The following MACROD2 variants were observed in gnomAD, a reference collection of about 807,000 sequenced individuals.
The protein encoded by MACROD2 is mono-ADP ribosylhydrolase 2.
Under a neutral mutation model 70.4 loss-of-function variants are expected in MACROD2, and 36 were observed. The observed-to-expected ratio is 0.51, with a 90% CI of 0.39 to 0.68. MACROD2 has a LOEUF of 0.68. Ranked by LOEUF, MACROD2 falls within the 30% of genes least tolerant of loss-of-function variation. The pLI, the probability that MACROD2 is intolerant of heterozygous loss-of-function variation, is 0.00. For missense variants in MACROD2, 496 were observed against 538.4 expected (o/e 0.92, Z 0.78); for synonymous variants, 172 against 178.8 (o/e 0.96, Z 0.30).
chr20:14,287,762 G>A (rs1177046317), intron 3 of MACROD2, among the ~76,000 whole-genome samples: 2 of 152,036 alleles, frequency 1.3e-5, no homozygotes, highest in African/African-American at 4.8e-5. Context: ...GTTTTTGGCA[G>A]TATTAAGTTT....
At chr20:15,884,772 A>C (rs2064801605) in intron 9 of MACROD2, among the ~76,000 whole-genome samples, 2 of 152,058 alleles carry the variant, frequency 1.3e-5, no homozygotes, top group Non-Finnish European at 2.9e-5. Flanking sequence ...AATATCATAG[A>C]CTCAGTGGCT....
Position 15,229,573 on chromosome 20 carries a change from A to G in MACROD2, c.419-367A>G, listed in dbSNP as rs563767795. On this transcript the variant is annotated intron_variant, in intron 5 of 17. Transcript: ENST00000684519. ...GTGCCAATCCAGATGTTCCTTTTGC[A>G]GGCAATTACTCCTCAGTTTATTTCC... Among the ~76,000 whole-genome samples the G allele has an allele frequency of 2.0e-5, 3 of 152,260 alleles. No homozygotes were observed. The South Asian group carries it at 6.2e-4, about 32-fold the overall frequency.
intron 6 of MACROD2, among the ~76,000 whole-genome samples, chr20:15,293,663 T>C (rs2077560995): frequency 1.3e-5 from 2 of 152,160 alleles, no homozygotes; most frequent in Admixed American, 6.5e-5. Flanking sequence ...GGAGCAGGTA[T>C]CCAGGGCCCT....
At chr20:14,586,645 T>C (rs1204814137) in intron 4 of MACROD2, among the ~76,000 whole-genome samples, 1 of 152,072 alleles carries the variant, frequency 6.6e-6, no homozygotes, top group Non-Finnish European at 1.5e-5. Context: ...ATACCCTTAA[T>C]TGGCACAGTT....
intron 5 of MACROD2, among the ~76,000 whole-genome samples, chr20:15,028,297 T>C (rs1487853836): frequency 1.3e-5 from 2 of 152,086 alleles, no homozygotes; most frequent in African/African-American, 4.8e-5. Flanking sequence ...GGTATCACTG[T>C]AGGAGGAAGG....
chr20:15,110,840 A>G (rs1200460470), intron 5 of MACROD2, among the ~76,000 whole-genome samples: 1 of 152,146 alleles, frequency 6.6e-6, no homozygotes, highest in Non-Finnish European at 1.5e-5. Context: ...AGCCAGTTAC[A>G]TTGCTGCCAC....
chr20:14,391,409 G>T (rs538657119), intron 3 of MACROD2, among the ~76,000 whole-genome samples: 5 of 152,186 alleles, frequency 3.3e-5, no homozygotes, highest in African/African-American at 1.2e-4. Context: ...TTATAAGTGG[G>T]AACTAAATGA....
intron 3 of MACROD2, among the ~76,000 whole-genome samples, chr20:14,224,176 A>G (rs1173947838): frequency 6.6e-6 from 1 of 152,186 alleles, no homozygotes. Flanking sequence ...ATCTGAGTAC[A>G]GTGGTCTAGG....
intron 6 of MACROD2, among the ~76,000 whole-genome samples, chr20:15,353,713 A>C (rs2078254234): frequency 1.5e-5 from 2 of 137,724 alleles, no homozygotes; most frequent in Non-Finnish European, 1.6e-5. Flanking sequence ...ACTTCTCAAA[A>C]GAAGACATTT....
At chr20:14,377,174 G>T (rs576161797) in intron 3 of MACROD2, among the ~76,000 whole-genome samples, 5 of 152,312 alleles carry the variant, frequency 3.3e-5, no homozygotes, top group African/African-American at 1.2e-4. Flanking sequence ...ACAGATGTGT[G>T]TTGAAGGGCT....
At chr20:15,330,091 T>A (rs1374373870) in intron 6 of MACROD2, among the ~76,000 whole-genome samples, 1 of 152,078 alleles carries the variant, frequency 6.6e-6, no homozygotes, top group Non-Finnish European at 1.5e-5. Context: ...TGTCCACTCT[T>A]CAAACCTAAG....
intron 3 of MACROD2, among the ~76,000 whole-genome samples, chr20:14,115,851 T>C (rs866073344): frequency 1.3e-4 from 20 of 152,216 alleles, no homozygotes; most frequent in African/African-American, 4.8e-4. Flanking sequence ...TTCTGATTTT[T>C]CCTTATGAAA....
At chr20:15,840,563 C>T (rs1331545525) in intron 8 of MACROD2, among the ~76,000 whole-genome samples, 10 of 152,172 alleles carry the variant, frequency 6.6e-5, no homozygotes, top group Admixed American at 6.6e-4. Flanking sequence ...ATGCCATGCT[C>T]ACCTATATCT....
intron 6 of MACROD2, among the ~76,000 whole-genome samples, chr20:15,409,187 G>T (rs576243018): frequency 7.2e-5 from 11 of 152,290 alleles, no homozygotes; most frequent in Admixed American, 3.9e-4. Context: ...GAGACCAAAT[G>T]ATGGGTGATA....
intron 6 of MACROD2, among the ~76,000 whole-genome samples, chr20:15,311,676 C>T (rs942727687): frequency 1.3e-5 from 2 of 152,130 alleles, no homozygotes; most frequent in African/African-American, 4.8e-5. Flanking sequence ...AGCGTATTAA[C>T]TCAGTTACAG....
chr20:15,296,110 C>G (rs912480819), intron 6 of MACROD2, among the ~76,000 whole-genome samples: 5 of 152,154 alleles, frequency 3.3e-5, no homozygotes, highest in Non-Finnish European at 7.3e-5. Context: ...CTACAACTGT[C>G]TTGGTAAATT....
Position 14,326,162 on chromosome 20 carries a change from A to G in MACROD2, c.272-167317A>G. ...ACAATTGTTTCTGTTATAGATCCAAATGCCGGGCTATGGCCCAGTTTAAGC... is the reference window on the plus strand; with the variant it reads ...ACAATTGTTTCTGTTATAGATCCAAGTGCCGGGCTATGGCCCAGTTTAAGC... On this transcript the variant is annotated intron_variant, in intron 3 of 17. Transcript: ENST00000684519. This position sits in a 1 kb window ranked among gnomAD's most constrained non-coding sequence, Gnocchi z 5.5. 1 of 1,613,884 alleles carries G rather than the reference A, an allele frequency of 6.2e-7. No homozygotes were observed. Among genetic ancestry groups the G allele is most frequent in the Non-Finnish European group, 8.5e-7 (1 of 1,179,872 alleles).
At chr20:15,798,741 A>G (rs969441829) in intron 8 of MACROD2, among the ~76,000 whole-genome samples, 4 of 152,164 alleles carry the variant, frequency 2.6e-5, no homozygotes, top group African/African-American at 9.7e-5. Context: ...GAGGCTCTAG[A>G]TACCTCATTA....
chr20:15,429,231 G>A (rs569462355), intron 6 of MACROD2, among the ~76,000 whole-genome samples: 1 of 152,238 alleles, frequency 6.6e-6, no homozygotes, highest in African/African-American at 2.4e-5. Flanking sequence ...GTGTTACACT[G>A]TTGCTTCATG....
Sources: allele counts gnomAD v4.1 joint callset (sites outside exome capture counted in the v4.1 genomes callset), GRCh38; gene constraint gnomAD v4.1.1; non-coding constraint Gnocchi (gnomAD v3.1); transcripts MANE v1.5; gene names NCBI Gene and HGNC (gene_info 2026-07-23, HGNC 2026-07-21).